SLC12A4: variants seen among roughly 807,000 people sequenced by gnomAD.
SLC12A4 encodes the protein electroneutral potassium-chloride cotransporter 1.
Under a neutral mutation model 119.2 loss-of-function variants are expected in SLC12A4, and 84 were observed. The observed-to-expected ratio is 0.70, with a 90% CI of 0.59 to 0.85. The LOEUF is 0.85. SLC12A4 is among the 40% of genes least tolerant of loss of function. The probability of loss-of-function intolerance (pLI) is 0.00; values close to 1 mark genes in which losing one functional copy is unlikely to be tolerated. For synonymous variants in SLC12A4, 599 were observed against 604.6 expected, an observed-to-expected ratio of 0.99 and a Z score of 0.14; for missense variants, 1,298 against 1,476.3, an observed-to-expected ratio of 0.88 and a Z score of 1.98.
At chr16:67,952,467 T>C (rs370812321) in intron 6 of SLC12A4, 42 bp from the exon 7 acceptor site, 6 of 1,606,854 alleles carry the variant, frequency 3.7e-6, no homozygotes, top group Non-Finnish European at 5.1e-6. Flanking sequence ...ATTTCTTATT[T>C]GGAAAGTGAA....
At chr16:67,957,496 A>G in intron 5 of SLC12A4, 1 of 539,398 alleles carries the variant, frequency 1.9e-6, no homozygotes, top group Non-Finnish European at 3.3e-6. Context: ...ACCCTCTTAC[A>G]GTAAACATAC....
At position 67,946,529 on chromosome 16, in the gene SLC12A4, G is replaced by C. The variant is rs1389838108; in HGVS notation, c.2346C>G (p.Gly782=). ...EGLAHLIQSC[G]LGGMRHNSVV... ...CGGAGTTATGCCGCATGCCTCCCAG[G>C]CCACAGGACTGGATGAGGTGGGCCA... is the stretch of plus-strand genomic sequence containing the variant. The change falls in exon 18 of 24, where the codon GGC becomes GGG. Residue 782 remains glycine (G), a synonymous_variant. Transcript: ENST00000316341. 1 of 1,610,922 alleles carries C rather than the reference G, an allele frequency of 6.2e-7. No individual in the cohort carries two copies. The highest frequency in any genetic ancestry group is 8.5e-7 in the Non-Finnish European group (1 of 1,180,014).
rs988785013 is a variant in SLC12A4 at position 67,943,717 on chromosome 16, C to T, written c.*1123G>A. On this transcript the variant is annotated 3_prime_UTR_variant, in exon 24 of 24. Transcript: ENST00000316341. The surrounding 1 kb of genome is among the most constrained non-coding windows in gnomAD (Gnocchi z 4.6). ...CCCAGCCAAGACCTCAGGCACACCC[C>T]GTCCCCCACTCCGCCCCCCCTGGGT... 3.7e-5 allele frequency: 21 copies of T among 567,028 alleles called. No homozygotes were observed. The East Asian group carries it at 4.6e-4, about 13-fold the overall frequency. 35.1% of individuals were successfully genotyped at this position (567,028 alleles called of 1,614,324 possible). A position where few individuals can be genotyped will look rare whatever the true frequency, so the allele number is the denominator to read the frequency against.
chr16:67,956,708 C>A (rs976423398), intron 5 of SLC12A4, among the ~76,000 whole-genome samples: 3 of 151,716 alleles, frequency 2.0e-5, no homozygotes, highest in South Asian at 2.1e-4. Context: ...AAACCAAAAT[C>A]AAAAAACTGT....
chr16:67,949,253 C>T lies in SLC12A4; in HGVS notation c.1748+547G>A, dbSNP rs905951979. On this transcript the variant is annotated intron_variant, in intron 13 of 23. Coordinates refer to ENST00000316341, the MANE Select transcript of SLC12A4 (RefSeq NM_005072.5). This position sits in a 1 kb window ranked among gnomAD's most constrained non-coding sequence, Gnocchi z 4.6. Reference sequence around the variant, plus strand: ...TCATCTGACGTCAGGAGTTCGACACCAGCCTGGCCAAGATGGTAAAACGCC... The same window carrying T: ...TCATCTGACGTCAGGAGTTCGACACTAGCCTGGCCAAGATGGTAAAACGCC... 6.6e-6 allele frequency among the ~76,000 whole-genome samples: 1 copy of T among 152,166 alleles called. No homozygotes were observed. The highest frequency in any genetic ancestry group is 1.5e-5 in the Non-Finnish European group (1 of 68,034).
Position 67,951,370 on chromosome 16 carries a change from A to G in SLC12A4, c.1133-66T>C. The G allele has an allele frequency of 6.5e-7, 1 of 1,550,044 alleles. No homozygotes were observed. The highest frequency in any genetic ancestry group is 8.7e-7 in the Non-Finnish European group (1 of 1,148,276). On this transcript the variant is annotated intron_variant, in intron 8 of 23. Transcript: ENST00000316341. The surrounding 1 kb of genome is among the most constrained non-coding windows in gnomAD (Gnocchi z 5.2). Reference sequence around the variant, plus strand: ...TACCCCAGGTAGTTTGGGGCAGCCTAGCCAGAGGCGCAGATGCAGGGCAAC... The same window carrying G: ...TACCCCAGGTAGTTTGGGGCAGCCTGGCCAGAGGCGCAGATGCAGGGCAAC...
At chr16:67,945,681 C>G in intron 21 of SLC12A4, 83 bp downstream of exon 21, 2 of 1,501,336 alleles carry the variant, frequency 1.3e-6, no homozygotes, top group South Asian at 2.4e-5. Flanking sequence ...GTGAGTCATT[C>G]TGATTCCTCC....
chr16:67,948,626 G>A (rs1396925784), intron 13 of SLC12A4, among the ~76,000 whole-genome samples: 1 of 152,232 alleles, frequency 6.6e-6, no homozygotes, highest in Non-Finnish European at 1.5e-5. Context: ...GCATGGGCAG[G>A]GCCAGCTGCA....
Position 67,958,007 on chromosome 16 carries a change from G to T in SLC12A4, c.380C>A (p.Pro127His). 10 of 1,614,196 alleles carry T rather than the reference G, an allele frequency of 6.2e-6. No homozygotes were observed. The highest frequency in any genetic ancestry group is 8.5e-6 in the Non-Finnish European group (10 of 1,180,016). The part of the protein sequence containing the change: ...SMGTLMGVYL[P>H]CLQNIFGVIL... ...AACCCCAAAGATATTCTGCAGGCAGGGCAGGTACACCCCCATGAGGGTGCC... is the reference window on the plus strand; with the variant it reads ...AACCCCAAAGATATTCTGCAGGCAGTGCAGGTACACCCCCATGAGGGTGCC... Residue 127 changes from proline to histidine, a missense_variant, in exon 4 of 24, where the codon CCC (proline) becomes CAC (histidine). Transcript: ENST00000316341.
intron 6 of SLC12A4, among the ~76,000 whole-genome samples, chr16:67,952,839 G>C (rs1438390669): frequency 3.3e-5 from 5 of 152,028 alleles, no homozygotes; most frequent in African/African-American, 1.2e-4. Context: ...TGTAATCCCA[G>C]CACTTTGGGA....
At position 67,951,991 on chromosome 16, in the gene SLC12A4, T is replaced by A; in HGVS notation, c.964A>T (p.Ile322Phe). ...NRTLSRDQFD[I>F]CAKTAVVDNE... Reference sequence around the variant, plus strand: ...TCCACTACAGCTGTCTTGGCACAGATGTCAAACTGGTCCCGGGACAGGGTC... The same window carrying A: ...TCCACTACAGCTGTCTTGGCACAGAAGTCAAACTGGTCCCGGGACAGGGTC... Residue 322 changes from isoleucine to phenylalanine, a missense_variant, in exon 8 of 24, where the codon ATC becomes TTC. By Grantham distance (21) the Ile-to-Phe change is conservative (BLOSUM62 0). Transcript: ENST00000316341. The surrounding 1 kb of genome is among the most constrained non-coding windows in gnomAD (Gnocchi z 5.2). 6.8e-6 allele frequency: 11 copies of A among 1,614,116 alleles called. No individual in the cohort carries two copies. The highest frequency in any genetic ancestry group is 9.3e-6 in the Non-Finnish European group (11 of 1,180,032).
At position 67,944,368 on chromosome 16, in the gene SLC12A4, A is replaced by C; in HGVS notation, c.*472T>G. On this transcript the variant is annotated 3_prime_UTR_variant, in exon 24 of 24. Coordinates refer to ENST00000316341, the MANE Select transcript of SLC12A4 (RefSeq NM_005072.5). The surrounding 1 kb of genome is among the most constrained non-coding windows in gnomAD (Gnocchi z 6.6). ...TGTTTTATTGAAAAAGTCAGGCCTC[A>C]GCTCAGCTGTCTCCATTCGGCTCAG... 7 of 1,345,368 alleles carry C rather than the reference A, an allele frequency of 5.2e-6. No individual in the cohort carries two copies. The South Asian group carries it at 1.4e-4, about 28-fold the overall frequency. 83.3% of individuals were successfully genotyped at this position (1,345,368 alleles called of 1,614,324 possible).
chr16:67,951,350 C>A lies in SLC12A4; in HGVS notation c.1133-46G>T, dbSNP rs1436388227. The A allele has an allele frequency of 6.3e-7, 1 of 1,582,406 alleles. No homozygotes were observed. Among genetic ancestry groups the A allele is most frequent in the East Asian group, 2.2e-5 (1 of 44,518 alleles). On this transcript the variant is annotated intron_variant, in intron 8 of 23. Coordinates refer to ENST00000316341, the MANE Select transcript of SLC12A4 (RefSeq NM_005072.5). The surrounding 1 kb of genome is among the most constrained non-coding windows in gnomAD (Gnocchi z 5.2). ...CCACCACAGCTGCCCCCCACTACCC[C>A]AGGTAGTTTGGGGCAGCCTAGCCAG... is the stretch of plus-strand genomic sequence containing the variant.
chr16:67,955,914 C>T (rs964916209), intron 5 of SLC12A4, among the ~76,000 whole-genome samples: 2 of 151,664 alleles, frequency 1.3e-5, no homozygotes, highest in African/African-American at 2.4e-5. Context: ...CAGTGGCTCA[C>T]GCCTGTAATC....
Position 67,950,335 on chromosome 16 carries a change from A to T in SLC12A4, c.1613T>A (p.Ile538Asn). The T allele has an allele frequency of 1.2e-6, 2 of 1,613,880 alleles. No individual in the cohort carries two copies. Among genetic ancestry groups the T allele is most frequent in the Non-Finnish European group, 1.7e-6 (2 of 1,179,994 alleles). Residue 538 changes from isoleucine (I) to asparagine (N), a missense_variant, in exon 12 of 24, where the codon ATC becomes AAC. Ile to Asn is a moderately radical substitution (Grantham distance 149). Coordinates refer to ENST00000316341, the MANE Select transcript of SLC12A4 (RefSeq NM_005072.5). The surrounding 1 kb of genome is among the most constrained non-coding windows in gnomAD (Gnocchi z 4.3). ...GGGGCTCACCCGGAGGAAGGGGATG[A>T]TGTTGTCCTTGGCAATGGCCTGCAA... Reference protein sequence around the residue: ...RLLQAIAKDNIIPFLRVFGHG... With the variant: ...RLLQAIAKDNNIPFLRVFGHG...
At position 67,954,743 on chromosome 16, in the gene SLC12A4, G is replaced by A; in HGVS notation, c.575C>T (p.Ser192Leu). ...AGCACCTCCAAATTCTGGCCCCAGT[G>A]AACGAGAGATCATGAAATAGGAGCC... ...AGGSYFMISR[S>L]LGPEFGGAVG... Residue 192 changes from serine to leucine, a missense_variant, in exon 6 of 24, where the codon TCA (serine) becomes TTA (leucine). Ser to Leu is a moderately radical substitution (Grantham distance 145, BLOSUM62 -2). Transcript: ENST00000316341. 1.2e-6 allele frequency: 2 copies of A among 1,614,138 alleles called. No homozygotes were observed. Among genetic ancestry groups the A allele is most frequent in the Non-Finnish European group, 1.7e-6 (2 of 1,180,022 alleles).
At chr16:67,965,312 CAAAA>C (rs11383451) in intron 1 of SLC12A4, among the ~76,000 whole-genome samples, 2 of 151,970 alleles carry the variant, frequency 1.3e-5, no homozygotes, top group African/African-American at 4.8e-5. Flanking sequence ...ATTTTTGTGA[CAAAA>C]AAAGTGTCTC....
At position 67,952,448 on chromosome 16, in the gene SLC12A4, G is replaced by T. The variant is rs1454051584; in HGVS notation, c.676-23C>A. The T allele has an allele frequency of 3.7e-6, 6 of 1,611,580 alleles. No homozygotes were observed. In the Admixed American group the frequency reaches 1.0e-4, roughly 27 times the overall value. On this transcript the variant is annotated intron_variant, in intron 6 of 23. Transcript: ENST00000316341. ...GGTCTGAAACAAGAAGATGGATAAG[G>T]AGGGTTTTATTTCTTATTTGGAAAG...
In SLC12A4 at chr16:67,949,986, C is replaced by G; in HGVS notation, c.1630-68G>C. 1 of 1,273,316 alleles carries G rather than the reference C, an allele frequency of 7.9e-7. No homozygotes were observed. The highest frequency in any genetic ancestry group is 1.1e-6 in the Non-Finnish European group (1 of 879,752). The allele number at this position is 1,273,316 out of a possible 1,614,324, so 78.9% of individuals were successfully genotyped here. On this transcript the variant is annotated intron_variant, in intron 12 of 23. Transcript: ENST00000316341. The surrounding 1 kb of genome is among the most constrained non-coding windows in gnomAD (Gnocchi z 4.6). ...CCACACCTTGGGCCCCAGACCCCAG[C>G]CTGGCCTCCCTCACCCCCAGGGCCC...
Sources: allele counts gnomAD v4.1 joint callset (sites outside exome capture counted in the v4.1 genomes callset), GRCh38; gene constraint gnomAD v4.1.1; non-coding constraint Gnocchi (gnomAD v3.1); transcripts MANE v1.5; gene names NCBI Gene and HGNC (gene_info 2026-07-23, HGNC 2026-07-21).